Variants in GALNTL6 observed in about 807,000 individuals in gnomAD.
GALNTL6 encodes the protein polypeptide N-acetylgalactosaminyltransferase-like 6.
GALNTL6 carries 46 observed loss-of-function variants against 73.7 expected under a neutral mutation model. The ratio of observed to expected loss-of-function variants is 0.62; its 90% confidence interval spans 0.49 to 0.80. The LOEUF (loss-of-function observed/expected upper bound fraction) is 0.80. Ranked by LOEUF, GALNTL6 falls within the 30% of genes least tolerant of loss-of-function variation. The pLI is 0.00. For missense variants in GALNTL6, 604 were observed against 755.0 expected (o/e 0.80, Z 2.34); for synonymous variants, 259 against 263.7 (o/e 0.98, Z 0.17).
intron 2 of GALNTL6, among the ~76,000 whole-genome samples, chr4:172,049,533 T>C (rs1184855278): frequency 6.6e-6 from 1 of 152,192 alleles, no homozygotes; most frequent in Non-Finnish European, 1.5e-5. Flanking sequence ...TAACAAGCCA[T>C]ATAATCATAG....
At chr4:172,186,010 T>G (rs1735404816) in intron 2 of GALNTL6, among the ~76,000 whole-genome samples, 1 of 152,170 alleles carries the variant, frequency 6.6e-6, no homozygotes, top group Admixed American at 6.5e-5. Flanking sequence ...ACTATCAATT[T>G]GTTAATATTG....
Position 172,952,195 on chromosome 4 carries a change from T to C in GALNTL6, c.1308T>C (p.Ala436=), listed in dbSNP as rs773442229. The change falls in exon 10 of 13, where the codon GCT becomes GCC. Residue 436 remains alanine, a synonymous_variant. Coordinates refer to ENST00000506823, the MANE Select transcript of GALNTL6 (RefSeq NM_001034845.3). ...KCKDFKWFMA[A]VAWDVPKYYP... Reference sequence around the variant, plus strand: ...AGGACTTCAAATGGTTCATGGCTGCTGTGGCCTGGGACGTGCCTAAATACT... The same window carrying C: ...AGGACTTCAAATGGTTCATGGCTGCCGTGGCCTGGGACGTGCCTAAATACT... The C allele has an allele frequency of 3.7e-6, 6 of 1,613,956 alleles. No homozygotes were observed. Among genetic ancestry groups the C allele is most frequent in the South Asian group, 3.3e-5 (3 of 91,084 alleles).
intron 2 of GALNTL6, among the ~76,000 whole-genome samples, chr4:172,179,816 G>A (rs1293215075): frequency 1.3e-5 from 2 of 152,106 alleles, no homozygotes; most frequent in African/African-American, 4.8e-5. Context: ...TTTAATCCAT[G>A]TGACACATTT....
At chr4:171,972,706 CTT>C (rs1195325139) in intron 2 of GALNTL6, among the ~76,000 whole-genome samples, 2 of 151,842 alleles carry the variant, frequency 1.3e-5, no homozygotes, top group Non-Finnish European at 2.9e-5. Flanking sequence ...ATAGAATTAA[CTT>C]TTTATAACAT....
At chr4:172,320,296 G>A (rs1740713173) in intron 4 of GALNTL6, among the ~76,000 whole-genome samples, 2 of 152,132 alleles carry the variant, frequency 1.3e-5, no homozygotes. Flanking sequence ...CTCTTCCTGA[G>A]TGCTTAGCTT....
intron 7 of GALNTL6, among the ~76,000 whole-genome samples, chr4:172,837,989 T>A (rs986770867): frequency 2.0e-5 from 3 of 152,216 alleles, no homozygotes; most frequent in Non-Finnish European, 4.4e-5. Flanking sequence ...TCAGTGCAAC[T>A]GTTTTTTATT....
chr4:172,778,889 G>A (rs1407966682), intron 5 of GALNTL6, among the ~76,000 whole-genome samples: 3 of 152,016 alleles, frequency 2.0e-5, no homozygotes, highest in Admixed American at 6.6e-5. Flanking sequence ...ACCTAACCCC[G>A]TGCCTTAGCA....
chr4:173,039,803 G>T, intron 12 of GALNTL6, 130 bp from the exon 13 acceptor site: 1 of 676,568 alleles, frequency 1.5e-6, no homozygotes, highest in Non-Finnish European at 2.4e-6. Flanking sequence ...GTTTGATTTG[G>T]GAGCTGTTCT....
At chr4:172,354,178 A>G (rs2332481) in intron 5 of GALNTL6, among the ~76,000 whole-genome samples, 90,269 of 151,868 alleles carry the variant, frequency 0.59, 28,537 homozygotes, top group South Asian at 0.72. Context: ...CTAGATTATA[A>G]GACAAGCAAT....
rs78442103 is a variant in GALNTL6, at chr4:172,256,557, A to G, written c.247+26793A>G. Among the ~76,000 whole-genome samples, 1,270 of 151,470 alleles carry G rather than the reference A, an allele frequency of 8.4e-3. 18 individuals carry two copies. The highest frequency in any genetic ancestry group is 0.029 in the African/African-American group (1,212 of 41,492). ...AATTTCTCTGATCTCCTGTTTTACA[A>G]TTCTCCCTTTCCCACTCAGAATGCT... On this transcript the variant is annotated intron_variant, in intron 3 of 12. Transcript: ENST00000506823.
At chr4:172,950,898 G>A (rs1043083418) in intron 9 of GALNTL6, among the ~76,000 whole-genome samples, 5 of 152,180 alleles carry the variant, frequency 3.3e-5, no homozygotes, top group Non-Finnish European at 7.3e-5. Context: ...TAGAGACTAA[G>A]GGACACCAGC....
intron 5 of GALNTL6, among the ~76,000 whole-genome samples, chr4:172,351,587 T>A (rs1323123565): frequency 2.0e-5 from 3 of 152,160 alleles, no homozygotes; most frequent in Non-Finnish European, 4.4e-5. Flanking sequence ...TTTATTCTGA[T>A]GCATCTGTAG....
chr4:172,635,465 A>C (rs763040695), intron 5 of GALNTL6, among the ~76,000 whole-genome samples: 5 of 152,118 alleles, frequency 3.3e-5, no homozygotes, highest in Non-Finnish European at 7.4e-5. Flanking sequence ...TATCAAGGCA[A>C]GATCAATCTC....
chr4:172,951,016 A>G lies in GALNTL6; in HGVS notation c.1150-1021A>G, dbSNP rs140954286. Among the ~76,000 whole-genome samples the G allele has an allele frequency of 4.5e-4, 68 of 152,334 alleles. 1 individual carries two copies. In the East Asian group the frequency reaches 7.7e-3, roughly 17 times the overall value. ...GTTTAGCACCATAGAGCCTGAAGGC[A>G]CATCAGAGAGCATCTCATCTCAGCT... is the stretch of plus-strand genomic sequence containing the variant. On this transcript the variant is annotated intron_variant, in intron 9 of 12. Transcript: ENST00000506823.
intron 7 of GALNTL6, 30 bp downstream of exon 7, chr4:172,813,753 G>A: frequency 6.4e-7 from 1 of 1,556,910 alleles, no homozygotes; most frequent in South Asian, 1.2e-5. Context: ...GGGGCCGAGG[G>A]GGTGAGGGCA....
rs545667128 is a variant in GALNTL6, at chr4:172,145,865, A to T, written c.139-83791A>T. ...AATTAATAGAAGTTTTATGTGACAT[A>T]GAAGTCCCCATAATGACATGAACAC... is the stretch of plus-strand genomic sequence containing the variant. On this transcript the variant is annotated intron_variant, in intron 2 of 12. Coordinates refer to ENST00000506823, the MANE Select transcript of GALNTL6 (RefSeq NM_001034845.3). Among the ~76,000 whole-genome samples, 8 of 152,338 alleles carry T rather than the reference A, an allele frequency of 5.3e-5. No individual in the cohort carries two copies. In the South Asian group the frequency reaches 8.3e-4, roughly 16 times the overall value.
At chr4:172,001,628 CATGGT>C (rs2110759958) in intron 2 of GALNTL6, among the ~76,000 whole-genome samples, 1 of 152,218 alleles carries the variant, frequency 6.6e-6, no homozygotes, top group African/African-American at 2.4e-5. Flanking sequence ...AAAGCAGAGG[CATGGT>C]ATTTAATTTT....
chr4:172,197,004 TG>T (rs1735795128), intron 2 of GALNTL6, among the ~76,000 whole-genome samples: 1 of 152,212 alleles, frequency 6.6e-6, no homozygotes, highest in African/African-American at 2.4e-5. Context: ...AAATTGTCTT[TG>T]TTTGCATATG....
intron 3 of GALNTL6, among the ~76,000 whole-genome samples, chr4:172,308,961 T>C (rs908828892): frequency 1.3e-5 from 2 of 152,208 alleles, no homozygotes; most frequent in Non-Finnish European, 2.9e-5. Context: ...GGATGCTCAA[T>C]AACTAGCTGT....
Sources: gnomAD v4.1 joint callset for allele counts (sites outside exome capture counted in the v4.1 genomes callset) on GRCh38, gnomAD v4.1.1 for gene constraint, MANE v1.5 for transcripts, NCBI Gene and HGNC (gene_info 2026-07-23, HGNC 2026-07-21) for gene names.